YWHAZ: variants seen among roughly 807,000 people sequenced by gnomAD.
YWHAZ encodes 14-3-3 protein zeta/delta.
For synonymous variants in YWHAZ, 87 were observed against 103.6 expected (o/e 0.84, Z 0.97); for missense variants, 79 against 284.8 (o/e 0.28, Z 5.20).
intron 5 of YWHAZ, 75 bp downstream of exon 5, chr8:100,923,880 A>G (rs149812683): frequency 1.0e-4 from 130 of 1,257,802 alleles, no homozygotes; most frequent in Non-Finnish European, 1.3e-4. Flanking sequence ...GTATTTAATA[A>G]AAAAAAAAAT....
chr8:100,942,632 A>G (rs893739325), intron 2 of YWHAZ, among the ~76,000 whole-genome samples: 1 of 152,224 alleles, frequency 6.6e-6, no homozygotes, highest in Non-Finnish European at 1.5e-5. Context: ...GATTAAAATA[A>G]GTCCTAAATC....
chr8:100,951,274 C>T, intron 1 of YWHAZ: 1 of 984,820 alleles, frequency 1.0e-6, no homozygotes. Flanking sequence ...CTCCGGCCCG[C>T]TCTCGGCCAG....
At chr8:100,929,842 G>C (rs1321153628) in intron 2 of YWHAZ, among the ~76,000 whole-genome samples, 1 of 152,074 alleles carries the variant, frequency 6.6e-6, no homozygotes, top group East Asian at 1.9e-4. Flanking sequence ...AAAAGAAAAA[G>C]GAAGCAGCAG....
At chr8:100,943,122 C>T (rs891482166) in intron 2 of YWHAZ, among the ~76,000 whole-genome samples, 3 of 152,092 alleles carry the variant, frequency 2.0e-5, no homozygotes, top group Admixed American at 1.3e-4. Flanking sequence ...AGAAAACATG[C>T]TAAAATTGGG....
At chr8:100,952,802 C>A, upstream of YWHAZ, 1 of 1,000,206 alleles carries the variant, frequency 1.0e-6, no homozygotes, top group Non-Finnish European at 1.2e-6. Flanking sequence ...CTGGGCCGAC[C>A]GGGGCGCGCG....
At chr8:100,951,763 C>A (rs1810806407) in intron 1 of YWHAZ, 166 bp downstream of exon 1, 2 of 985,094 alleles carry the variant, frequency 2.0e-6, no homozygotes, top group Non-Finnish European at 2.4e-6. Flanking sequence ...CCGAGCCCAG[C>A]GGAAGAGGAG....
At chr8:100,941,337 G>A (rs1809836670) in intron 2 of YWHAZ, among the ~76,000 whole-genome samples, 1 of 152,140 alleles carries the variant, frequency 6.6e-6, no homozygotes, top group Non-Finnish European at 1.5e-5. Flanking sequence ...ATAAGTCTTG[G>A]ATCAACAAAT....
chr8:100,950,542 T>TCTC, intron 1 of YWHAZ: 1 of 985,304 alleles, frequency 1.0e-6, no homozygotes, highest in African/African-American at 1.7e-5. Context: ...AGTCCCCGAC[T>TCTC]CTCCTCCTTT....
At position 100,948,703 on chromosome 8, in the gene YWHAZ, A is replaced by C. The variant is rs1423157322; in HGVS notation, c.187T>G (p.Ser63Ala). Reference sequence around the variant, plus strand: ...CCTTCCGTCTTTTGTTCAATACTTGAGACGACCCTCCAAGATGACCTACGG... The same window carrying C: ...CCTTCCGTCTTTTGTTCAATACTTGCGACGACCCTCCAAGATGACCTACGG... ...GARRSSWRVV[S>A]SIEQKTEGAE... Residue 63 changes from serine (S) to alanine (A), a missense_variant, in exon 2 of 6, where the codon TCA (serine) becomes GCA (alanine). By Grantham distance (99) the Ser-to-Ala change is moderately conservative. Transcript: ENST00000395958. This position sits in a 1 kb window ranked among gnomAD's most constrained non-coding sequence, Gnocchi z 4.2. 6.2e-7 allele frequency: 1 copy of C among 1,602,098 alleles called. No individual in the cohort carries two copies. The highest frequency in any genetic ancestry group is 1.1e-5 in the South Asian group (1 of 90,994).
chr8:100,936,467 A>G (rs376366939), intron 2 of YWHAZ, among the ~76,000 whole-genome samples: 1 of 152,160 alleles, frequency 6.6e-6, no homozygotes, highest in Non-Finnish European at 1.5e-5. Flanking sequence ...GGAGGACACC[A>G]TATCACTTCC....
intron 2 of YWHAZ, 130 bp from the exon 3 acceptor site, chr8:100,925,169 G>T (rs1230357542): frequency 3.2e-6 from 3 of 949,778 alleles, no homozygotes; most frequent in Non-Finnish European, 4.6e-6. Flanking sequence ...CAATACAATT[G>T]TGAATGCAGC....
chr8:100,923,728 C>T, intron 5 of YWHAZ: 1 of 377,714 alleles, frequency 2.6e-6, no homozygotes, highest in Non-Finnish European at 4.7e-6. Flanking sequence ...TTTAACAAGA[C>T]AGGTAACTCA....
chr8:100,938,537 T>C (rs1814365274), intron 2 of YWHAZ, among the ~76,000 whole-genome samples: 1 of 152,218 alleles, frequency 6.6e-6, no homozygotes. Context: ...AACATCCTCA[T>C]TAATAGATTT....
intron 2 of YWHAZ, among the ~76,000 whole-genome samples, chr8:100,941,883 T>C (rs1234350778): frequency 3.3e-5 from 5 of 151,752 alleles, no homozygotes; most frequent in Admixed American, 6.6e-5. Context: ...ACAACAAAAA[T>C]TGGGCAGTCC....
intron 2 of YWHAZ, among the ~76,000 whole-genome samples, chr8:100,947,527 T>C (rs576380338): frequency 9.3e-4 from 142 of 152,262 alleles, no homozygotes; most frequent in Non-Finnish European, 1.5e-3. Flanking sequence ...TAAGTATCAT[T>C]TGAGAAAATT....
intron 2 of YWHAZ, among the ~76,000 whole-genome samples, chr8:100,946,569 A>G (rs1000923892): frequency 6.6e-6 from 1 of 152,108 alleles, no homozygotes; most frequent in African/African-American, 2.4e-5. Context: ...ACAAACAAAC[A>G]AACATACACA....
intron 2 of YWHAZ, among the ~76,000 whole-genome samples, chr8:100,929,366 ACTTTTGTAT>A (rs1234060729): frequency 6.6e-6 from 1 of 152,180 alleles, no homozygotes; most frequent in Non-Finnish European, 1.5e-5. Context: ...TACCCAGCTA[ACTTTTGTAT>A]CTTTAGTACC....
chr8:100,952,698 G>A (rs1012217961), upstream of YWHAZ: 46 of 765,522 alleles, frequency 6.0e-5, no homozygotes, highest in Admixed American at 2.5e-4. Context: ...GCGGGGCGGG[G>A]GCCCCGGGGC....
intron 2 of YWHAZ, among the ~76,000 whole-genome samples, chr8:100,939,259 T>C (rs920943991): frequency 1.3e-5 from 2 of 152,146 alleles, no homozygotes; most frequent in African/African-American, 4.8e-5. Flanking sequence ...GTGAAAGGGC[T>C]AGCAGGAAGT....
Sources: allele counts gnomAD v4.1 joint callset (sites outside exome capture counted in the v4.1 genomes callset), GRCh38; gene constraint gnomAD v4.1.1; non-coding constraint Gnocchi (gnomAD v3.1); transcripts MANE v1.5; gene names NCBI Gene and HGNC (gene_info 2026-07-23, HGNC 2026-07-21).